The following ZFHX3 variants were observed in gnomAD, a reference collection of about 807,000 sequenced individuals.
ZFHX3 encodes zinc finger homeobox 3, also known as zinc finger homeobox protein 3.
ZFHX3 carries 42 observed loss-of-function variants against 279.1 expected under a neutral mutation model. The observed-to-expected ratio is 0.15, with a 90% CI of 0.12 to 0.19. The LOEUF (loss-of-function observed/expected upper bound fraction) is 0.19. Ranked by LOEUF, ZFHX3 falls within the 10% of genes least tolerant of loss-of-function variation. The pLI is 1.00. For missense variants in ZFHX3, 4,981 were observed against 4,754.0 expected, an observed-to-expected ratio of 1.05 and a Z score of -1.40; for synonymous variants, 2,293 against 1,957.8, an observed-to-expected ratio of 1.17 and a Z score of -4.52.
intron 1 of ZFHX3, among the ~76,000 whole-genome samples, chr16:73,691,759 A>G (rs1411216241): frequency 1.3e-5 from 2 of 152,218 alleles, no homozygotes; most frequent in African/African-American, 4.8e-5. Context: ...AGCATCTTCT[A>G]CAATATTTCA....
upstream of ZFHX3, among the ~76,000 whole-genome samples, chr16:73,062,937 A>T (rs979192199): frequency 2.6e-5 from 4 of 152,248 alleles, no homozygotes; most frequent in African/African-American, 9.6e-5. Context: ...ATAAATGCAG[A>T]CATGCCGAAG....
At chr16:73,418,791 G>A (rs1305069781) in intron 3 of ZFHX3, among the ~76,000 whole-genome samples, 1 of 152,182 alleles carries the variant, frequency 6.6e-6, no homozygotes, top group Non-Finnish European at 1.5e-5. Context: ...CCAGAAACTT[G>A]CTTGGCAAAA....
intron 1 of ZFHX3, among the ~76,000 whole-genome samples, chr16:73,788,535 T>G (rs1188644082): frequency 1.3e-5 from 2 of 152,160 alleles, no homozygotes; most frequent in East Asian, 1.9e-4. Flanking sequence ...GTGTGTTGTA[T>G]GTCTGCTCTG....
intron 4 of ZFHX3, among the ~76,000 whole-genome samples, chr16:72,846,068 C>T (rs1342288066): frequency 1.3e-5 from 2 of 152,202 alleles, no homozygotes; most frequent in Non-Finnish European, 2.9e-5. Context: ...CAGGCATTGA[C>T]AACACGGCTG....
intron 5 of ZFHX3, among the ~76,000 whole-genome samples, chr16:73,181,050 G>A (rs9921381): frequency 0.34 from 51,461 of 151,864 alleles, 9,090 homozygotes; most frequent in African/African-American, 0.44. Flanking sequence ...GCAGGGCTTT[G>A]GAAGCAAGGC....
intron 3 of ZFHX3, among the ~76,000 whole-genome samples, chr16:72,940,285 C>G (rs1597396133): frequency 6.6e-6 from 1 of 152,186 alleles, no homozygotes; most frequent in Non-Finnish European, 1.5e-5. Flanking sequence ...AGCACAAAAT[C>G]AGTACTCCAC....
At chr16:73,067,085 G>T (rs992411653) in intron 8 of ZFHX3, among the ~76,000 whole-genome samples, 3 of 152,168 alleles carry the variant, frequency 2.0e-5, no homozygotes, top group Non-Finnish European at 4.4e-5. Context: ...CAGAAACCGG[G>T]CCCGCCAAGG....
At chr16:73,517,064 C>T (rs569160987) in intron 2 of ZFHX3, among the ~76,000 whole-genome samples, 3 of 111,478 alleles carry the variant, frequency 2.7e-5, no homozygotes, top group African/African-American at 3.5e-5. Flanking sequence ...AAGTCTTCAT[C>T]CCCCCATAAC....
At chr16:73,365,092 CAT>C (rs1032512495) in intron 3 of ZFHX3, among the ~76,000 whole-genome samples, 29 of 152,332 alleles carry the variant, frequency 1.9e-4, no homozygotes, top group African/African-American at 7.0e-4. Context: ...TGAAGTGCCA[CAT>C]GTTTCGAGAA....
chr16:73,259,800 T>C (rs1300134445), intron 4 of ZFHX3, among the ~76,000 whole-genome samples: 3 of 152,240 alleles, frequency 2.0e-5, no homozygotes, highest in Non-Finnish European at 4.4e-5. Flanking sequence ...ATGTATATTA[T>C]ATGCACACGC....
At chr16:73,680,700 G>A (rs1597062403) in intron 1 of ZFHX3, among the ~76,000 whole-genome samples, 1 of 152,168 alleles carries the variant, frequency 6.6e-6, no homozygotes. Flanking sequence ...CCTAAGTTGA[G>A]GATGAAACTG....
chr16:73,612,871 G>A (rs1447515419), intron 2 of ZFHX3, among the ~76,000 whole-genome samples: 1 of 151,448 alleles, frequency 6.6e-6, no homozygotes, highest in Non-Finnish European at 1.5e-5. Flanking sequence ...TGATATAATA[G>A]AAAAAAATGA....
chr16:73,252,752 G>A (rs1287072110), intron 5 of ZFHX3, among the ~76,000 whole-genome samples: 1 of 152,160 alleles, frequency 6.6e-6, no homozygotes. Context: ...AGGTTAAAGG[G>A]GCGGAAGGAG....
At chr16:73,771,839 C>T (rs934118843) in intron 1 of ZFHX3, among the ~76,000 whole-genome samples, 5 of 149,992 alleles carry the variant, frequency 3.3e-5, no homozygotes, top group Admixed American at 6.6e-5. Flanking sequence ...CCTGCCATCC[C>T]GGAAGATGGT....
chr16:73,735,118 C>T (rs573964261), intron 1 of ZFHX3, among the ~76,000 whole-genome samples: 22 of 152,126 alleles, frequency 1.4e-4, no homozygotes, highest in African/African-American at 4.3e-4. Context: ...TTAAGCACAT[C>T]GGCATGGTTG....
intron 1 of ZFHX3, among the ~76,000 whole-genome samples, chr16:73,869,827 G>A (rs1370556859): frequency 6.6e-6 from 1 of 152,190 alleles, no homozygotes; most frequent in Non-Finnish European, 1.5e-5. Context: ...TTAGAGGGAG[G>A]TAGCGGTCTC....
In ZFHX3 at chr16:72,796,873, C is replaced by T. The variant is rs1175269667; in HGVS notation, c.5809G>A (p.Ala1937Thr). 2.5e-6 allele frequency: 4 copies of T among 1,613,578 alleles called. No homozygotes were observed. Among genetic ancestry groups the T allele is most frequent in the Non-Finnish European group, 3.4e-6 (4 of 1,179,956 alleles). The change falls in exon 9 of 10, where the codon GCT becomes ACT. Residue 1937 changes from alanine (A) to threonine (T), a missense_variant. Physicochemically the swap from Ala to Thr is moderately conservative, Grantham distance 58 (BLOSUM62 0). Coordinates refer to ENST00000268489, the MANE Select transcript of ZFHX3 (RefSeq NM_006885.4). ...SEPSMLPPRI[A>T]SDARGNATKA... ...GTGGCGTTCCCTCTGGCATCTGAAG[C>T]AATGCGTGGAGGGAGCATGGAAGGC... is the stretch of plus-strand genomic sequence containing the variant.
intron 2 of ZFHX3, among the ~76,000 whole-genome samples, chr16:73,545,317 T>C (rs572429475): frequency 3.9e-5 from 6 of 152,262 alleles, no homozygotes; most frequent in Admixed American, 2.6e-4. Flanking sequence ...TCGTCGTTTC[T>C]TGATTTTGCC....
chr16:72,854,565 G>C (rs947764711), intron 4 of ZFHX3, among the ~76,000 whole-genome samples: 1 of 152,136 alleles, frequency 6.6e-6, no homozygotes, highest in South Asian at 2.1e-4. Flanking sequence ...GCAGAAGATG[G>C]TCCTGGACAA....
Sources: gnomAD v4.1 joint callset for allele counts (sites outside exome capture counted in the v4.1 genomes callset) on GRCh38, gnomAD v4.1.1 for gene constraint, MANE v1.5 for transcripts, NCBI Gene and HGNC (gene_info 2026-07-23, HGNC 2026-07-21) for gene names.